Variants in SLC6A17 observed in about 807,000 individuals in gnomAD.
SLC6A17 encodes the protein solute carrier family 6 member 17.
SLC6A17 carries 21 observed loss-of-function variants against 64.5 expected under a neutral mutation model. The ratio of observed to expected loss-of-function variants is 0.33; its 90% CI spans 0.23 to 0.47. The LOEUF is 0.47. Among genes scored for constraint, SLC6A17 ranks in the 20% least tolerant of loss-of-function variants. SLC6A17 has a pLI of 1.00. For synonymous variants in SLC6A17, 372 were observed against 399.5 expected (o/e 0.93, Z 0.82); for missense variants, 682 against 963.2 (o/e 0.71, Z 3.86).
intron 3 of SLC6A17, chr1:110,172,421 C>A: frequency 1.5e-6 from 1 of 654,704 alleles, no homozygotes; most frequent in Non-Finnish European, 2.5e-6. Flanking sequence ...ACCACGTTGC[C>A]TGAAACAGCA....
chr1:110,197,885 G>A (rs1244212202), intron 11 of SLC6A17, among the ~76,000 whole-genome samples, 191 bp from the exon 12 acceptor site: 4 of 152,172 alleles, frequency 2.6e-5, no homozygotes, highest in Non-Finnish European at 5.9e-5. Context: ...TTTTATAGTA[G>A]GAGAAACCAC....
chr1:110,165,930 G>A (rs191742965), intron 1 of SLC6A17, among the ~76,000 whole-genome samples: 1 of 152,186 alleles, frequency 6.6e-6, no homozygotes, highest in Non-Finnish European at 1.5e-5. Flanking sequence ...TAACGGAATG[G>A]TGGAATTCTT....
intron 10 of SLC6A17, among the ~76,000 whole-genome samples, chr1:110,196,496 C>T (rs1228588780): frequency 6.6e-6 from 1 of 152,156 alleles, no homozygotes; most frequent in Non-Finnish European, 1.5e-5. Context: ...GGGAAGGACA[C>T]TCCTCTGCTT....
intron 10 of SLC6A17, among the ~76,000 whole-genome samples, chr1:110,196,880 C>T (rs1403395481): frequency 6.6e-6 from 1 of 152,142 alleles, no homozygotes; most frequent in East Asian, 1.9e-4. Context: ...GTTAATACTA[C>T]TGTGTTTGCT....
intron 6 of SLC6A17, among the ~76,000 whole-genome samples, chr1:110,191,169 A>G (rs1656816069): frequency 6.6e-6 from 1 of 152,156 alleles, no homozygotes; most frequent in South Asian, 2.1e-4. Context: ...AGTGCCACTT[A>G]CCAAAAGCTT....
At chr1:110,188,632 A>G (rs951960100) in intron 6 of SLC6A17, among the ~76,000 whole-genome samples, 24 of 152,158 alleles carry the variant, frequency 1.6e-4, no homozygotes, top group African/African-American at 5.5e-4. Context: ...GGGTGGTCCT[A>G]TGGAGGACAG....
At chr1:110,163,735 GTCTCCGCC>G (rs1053122491) in intron 1 of SLC6A17, among the ~76,000 whole-genome samples, 7 of 152,174 alleles carry the variant, frequency 4.6e-5, no homozygotes, top group Admixed American at 4.6e-4. Context: ...ACCTCTCCCT[GTCTCCGCC>G]TCTCATTCTG....
At chr1:110,159,404 C>A (rs1655841640) in intron 1 of SLC6A17, among the ~76,000 whole-genome samples, 1 of 152,208 alleles carries the variant, frequency 6.6e-6, no homozygotes, top group Admixed American at 6.5e-5. Flanking sequence ...CAGTTCCTCC[C>A]CCTCTGGACC....
chr1:110,186,524 T>A (rs1446481001), intron 6 of SLC6A17, among the ~76,000 whole-genome samples: 1 of 151,588 alleles, frequency 6.6e-6, no homozygotes. Context: ...TTTTAGAAAG[T>A]AGAAGTTTGA....
At chr1:110,181,039 A>G (rs574287107) in intron 6 of SLC6A17, among the ~76,000 whole-genome samples, 61 of 152,194 alleles carry the variant, frequency 4.0e-4, no homozygotes, top group Non-Finnish European at 7.5e-4. Flanking sequence ...CCAAGCTGCC[A>G]TGATGACCCA....
chr1:110,155,063 C>G (rs1655720390), intron 1 of SLC6A17, among the ~76,000 whole-genome samples: 5 of 152,120 alleles, frequency 3.3e-5, no homozygotes, highest in Admixed American at 3.3e-4. Flanking sequence ...AATCGCCATC[C>G]CCAGAACAGG....
intron 8 of SLC6A17, among the ~76,000 whole-genome samples, chr1:110,194,200 A>C (rs565465864): frequency 8.1e-4 from 124 of 152,336 alleles, no homozygotes; most frequent in African/African-American, 2.8e-3. Context: ...TCTGCAGTTC[A>C]GAAGTTCTGA....
chr1:110,176,774 G>A (rs1656387853), intron 6 of SLC6A17, 35 bp downstream of exon 6: 1 of 1,571,204 alleles, frequency 6.4e-7, no homozygotes, highest in African/African-American at 1.3e-5. Flanking sequence ...CCAGGGAACA[G>A]CAACAGGTCT....
At chr1:110,196,350 T>C (rs1656968324) in intron 10 of SLC6A17, among the ~76,000 whole-genome samples, 1 of 152,200 alleles carries the variant, frequency 6.6e-6, no homozygotes, top group Non-Finnish European at 1.5e-5. Context: ...CACATTGTCC[T>C]TGTCCTTGGC....
chr1:110,177,873 C>T (rs1011006099), intron 6 of SLC6A17: 5 of 152,256 alleles, frequency 3.3e-5, no homozygotes, highest in South Asian at 2.1e-4. Context: ...CTAGGGCACA[C>T]GCCACTCCAT....
intron 6 of SLC6A17, among the ~76,000 whole-genome samples, chr1:110,186,446 A>C (rs972348778): frequency 1.3e-5 from 1 of 76,490 alleles, no homozygotes; most frequent in Non-Finnish European, 2.7e-5. Flanking sequence ...AATAATTACC[A>C]AAAAAAAAAA....
At chr1:110,176,546 T>C in intron 5 of SLC6A17, 83 bp from the exon 6 acceptor site, 1 of 1,319,154 alleles carries the variant, frequency 7.6e-7, no homozygotes, top group East Asian at 2.3e-5. Context: ...GGGCGGCTCA[T>C]GTGCCCCAGA....
intron 1 of SLC6A17, among the ~76,000 whole-genome samples, chr1:110,154,287 G>A (rs1202206020): frequency 6.6e-6 from 1 of 152,242 alleles, no homozygotes; most frequent in Non-Finnish European, 1.5e-5. Flanking sequence ...TCACACAGGT[G>A]AGTGGCAACT....
intron 4 of SLC6A17, 101 bp downstream of exon 4, chr1:110,174,200 C>T (rs551169675): frequency 1.3e-6 from 2 of 1,483,444 alleles, no homozygotes; most frequent in South Asian, 1.4e-5. Flanking sequence ...TGTTGTGTCC[C>T]CTTGGATAAG....
Sources: gnomAD v4.1 joint callset for allele counts (sites outside exome capture counted in the v4.1 genomes callset) on GRCh38, gnomAD v4.1.1 for gene constraint, MANE v1.5 for transcripts, NCBI Gene and HGNC (gene_info 2026-07-23, HGNC 2026-07-21) for gene names.